APTX: variants seen among roughly 807,000 people sequenced by gnomAD.
APTX encodes the protein aprataxin.
Under a neutral mutation model 42.3 loss-of-function variants are expected in APTX, and 33 were observed. That is an observed-to-expected ratio of 0.78 (90% CI 0.59 to 1.04). The LOEUF (loss-of-function observed/expected upper bound fraction) is 1.04, where lower values mean the gene tolerates loss of function less well. Among genes scored for constraint, APTX ranks in the 50% least tolerant of loss-of-function variants. APTX has a pLI of 0.00. For missense variants in APTX, 421 were observed against 415.1 expected (o/e 1.01, Z -0.12); for synonymous variants, 130 against 146.7 (o/e 0.89, Z 0.82).
At chr9:32,988,236 G>A (rs751955477) in intron 2 of APTX, 107 bp from the exon 3 acceptor site, 1 of 1,011,162 alleles carries the variant, frequency 9.9e-7, no homozygotes, top group South Asian at 1.3e-5. Flanking sequence ...AGCTGAACAG[G>A]TGGTGTTTCC....
At chr9:32,991,108 T>C (rs1253445708) in intron 1 of APTX, among the ~76,000 whole-genome samples, 1 of 152,124 alleles carries the variant, frequency 6.6e-6, no homozygotes, top group Non-Finnish European at 1.5e-5. Context: ...ATATTTTTAG[T>C]AGAGACTAGG....
chr9:33,008,788 G>A lies in APTX; in HGVS notation c.-5+16235C>T, dbSNP rs551909122. ...GCTGGTATCGAACTCCTGACCTCAGGTGACCCACCCGCCTCTACCTCCCAA... is the reference window on the plus strand; with the variant it reads ...GCTGGTATCGAACTCCTGACCTCAGATGACCCACCCGCCTCTACCTCCCAA... On this transcript the variant is annotated intron_variant, in intron 1 of 6. Transcript: ENST00000436040. Among the ~76,000 whole-genome samples the A allele has an allele frequency of 9.2e-5, 14 of 152,202 alleles. No individual in the cohort carries two copies. In the South Asian group the frequency reaches 2.9e-3, roughly 32 times the overall value.
chr9:32,996,518 C>T (rs902312286), intron 1 of APTX, among the ~76,000 whole-genome samples: 1 of 152,152 alleles, frequency 6.6e-6, no homozygotes, highest in Non-Finnish European at 1.5e-5. Flanking sequence ...AGCAATCCTC[C>T]TGTCTTGACC....
At chr9:32,980,371 A>C (rs1349067056) in intron 6 of APTX, 1 of 177,122 alleles carries the variant, frequency 5.6e-6, no homozygotes, top group Non-Finnish European at 1.3e-5. Flanking sequence ...CATCTTGTCC[A>C]TCTACTTGGC....
chr9:32,989,705 G>A, intron 2 of APTX, 54 bp downstream of exon 2: 1 of 1,613,092 alleles, frequency 6.2e-7, no homozygotes, highest in Non-Finnish European at 8.5e-7. Flanking sequence ...TGCATCTTTG[G>A]TTATCACTAT....
intron 1 of APTX, among the ~76,000 whole-genome samples, chr9:33,000,439 C>T (rs1196371115): frequency 6.6e-6 from 1 of 151,584 alleles, no homozygotes; most frequent in East Asian, 1.9e-4. Flanking sequence ...CCAGCCTGGC[C>T]AACATGGTGA....
At chr9:33,003,639 A>C (rs1340292505), upstream of APTX, among the ~76,000 whole-genome samples, 1 of 152,108 alleles carries the variant, frequency 6.6e-6, no homozygotes, top group South Asian at 2.1e-4. Context: ...CTCAAAAAAA[A>C]AACTCCGTAT....
At position 32,989,856 on chromosome 9, in the gene APTX, G is replaced by A; in HGVS notation, c.36C>T (p.Ser12=). The A allele has an allele frequency of 6.2e-7, 1 of 1,614,178 alleles. No individual in the cohort carries two copies. The highest frequency in any genetic ancestry group is 8.5e-7 in the Non-Finnish European group (1 of 1,180,030). The change falls in exon 2 of 8, where the codon AGC becomes AGT. Residue 12 remains serine, a synonymous_variant. Coordinates refer to ENST00000379817, the MANE Select transcript of APTX (RefSeq NM_001195248.2). ...MRVCWLVRQD[S]RHQRIRLPHL... ...GTGGAAGTCTGATTCGCTGGTGCCG[G>A]CTGTCCTGTCTCACCAACCAGCACA...
At chr9:32,981,864 C>T (rs796645185) in intron 6 of APTX, among the ~76,000 whole-genome samples, 6 of 151,948 alleles carry the variant, frequency 3.9e-5, no homozygotes, top group African/African-American at 1.4e-4. Context: ...ATAAAGTCAC[C>T]ATAGAGTAAA....
chr9:33,020,919 TG>T (rs34741824), intron 1 of APTX, among the ~76,000 whole-genome samples: 1 of 151,912 alleles, frequency 6.6e-6, no homozygotes, highest in South Asian at 2.1e-4. Flanking sequence ...CACCTGAGGT[TG>T]GGAGTTCAAG....
chr9:33,012,804 C>T (rs60023109), intron 1 of APTX, among the ~76,000 whole-genome samples: 3,432 of 152,276 alleles, frequency 0.023, 100 homozygotes, highest in African/African-American at 0.078. Context: ...GCTTGCTAAA[C>T]AGCATTAGAT....
chr9:33,020,831 G>A (rs1838314137), intron 1 of APTX, among the ~76,000 whole-genome samples: 1 of 152,226 alleles, frequency 6.6e-6, no homozygotes, highest in African/African-American at 2.4e-5. Context: ...TTACGGCCAT[G>A]TGGTTATTGA....
At chr9:33,023,773 C>T (rs994048547) in intron 1 of APTX, among the ~76,000 whole-genome samples, 12 of 152,228 alleles carry the variant, frequency 7.9e-5, no homozygotes, top group Non-Finnish European at 1.8e-4. Flanking sequence ...AGAGAAAAGG[C>T]TGAAGAGGCA....
Position 32,990,420 on chromosome 9 carries a change from G to A in APTX, c.-4-525C>T, listed in dbSNP as rs373090455. 3.4e-4 allele frequency among the ~76,000 whole-genome samples: 51 copies of A among 152,152 alleles called. No individual in the cohort carries two copies. The East Asian group carries it at 5.6e-3, about 17-fold the overall frequency. On this transcript the variant is annotated intron_variant, in intron 1 of 7. Transcript: ENST00000379817. Reference sequence around the variant, plus strand: ...ACTTCTGACCTCAGGTGATCCACCCGCCTCTGCCTCCCAAAGTGCTGGGAT... The same window carrying A: ...ACTTCTGACCTCAGGTGATCCACCCACCTCTGCCTCCCAAAGTGCTGGGAT...
intron 1 of APTX, among the ~76,000 whole-genome samples, chr9:33,023,514 C>T (rs1838568933): frequency 6.6e-6 from 1 of 152,202 alleles, no homozygotes; most frequent in Non-Finnish European, 1.5e-5. Flanking sequence ...TGAGGCACGG[C>T]GCCCGGCCTG....
chr9:32,984,913 C>T (rs563393452), intron 5 of APTX, 56 bp from the exon 6 acceptor site: 3 of 1,494,410 alleles, frequency 2.0e-6, no homozygotes, highest in Non-Finnish European at 2.8e-6. Context: ...CTTCTGTGTG[C>T]CTGGTTGTTA....
At chr9:33,024,417 C>T (rs1838675639) in intron 1 of APTX, among the ~76,000 whole-genome samples, 1 of 152,296 alleles carries the variant, frequency 6.6e-6, no homozygotes, top group Non-Finnish European at 1.5e-5. Context: ...TTTTCAAGTC[C>T]GAGGTCTTAC....
At chr9:32,991,009 C>A (rs1461468822) in intron 1 of APTX, among the ~76,000 whole-genome samples, 1 of 152,132 alleles carries the variant, frequency 6.6e-6, no homozygotes, top group Non-Finnish European at 1.5e-5. Context: ...TCACTGCAAC[C>A]TCTGCCTCCT....
chr9:32,977,729 G>A lies in APTX; in HGVS notation c.771-3168C>T, dbSNP rs111724993. On this transcript the variant is annotated intron_variant, in intron 6 of 7. Coordinates refer to ENST00000379817, the MANE Select transcript of APTX (RefSeq NM_001195248.2). ...GCCTGTAATCCCAGCTACTCGGACA[G>A]CTGAGGCATGAGACTAGCTTGAACC... Among the ~76,000 whole-genome samples, 509 of 152,158 alleles carry A rather than the reference G, an allele frequency of 3.3e-3. 3 individuals carry two copies. Among genetic ancestry groups the A allele is most frequent in the African/African-American group, 0.012 (491 of 41,532 alleles).
Sources: allele counts gnomAD v4.1 joint callset (sites outside exome capture counted in the v4.1 genomes callset), GRCh38; gene constraint gnomAD v4.1.1; transcripts MANE v1.5; gene names NCBI Gene and HGNC (gene_info 2026-07-23, HGNC 2026-07-21).